Variants in NCCRP1 observed in about 807,000 individuals in gnomAD.
NCCRP1 encodes the protein NCCRP1, F-box associated domain containing.
NCCRP1 carries 32 observed loss-of-function variants against 34.4 expected under a neutral mutation model. The observed-to-expected ratio is 0.93, with a 90% CI of 0.70 to 1.25. The LOEUF is 1.25. Ranked by LOEUF, NCCRP1 falls within the 50% of genes most tolerant of loss-of-function variation. The probability of loss-of-function intolerance (pLI) is 0.00; values close to 1 mark genes in which losing one functional copy is unlikely to be tolerated. For synonymous variants in NCCRP1, 172 were observed against 180.1 expected, an observed-to-expected ratio of 0.95 and a Z score of 0.36; for missense variants, 372 against 391.8, an observed-to-expected ratio of 0.95 and a Z score of 0.43.
chr19:39,196,969 C>A lies in NCCRP1; in HGVS notation c.-14C>A. On this transcript the variant is annotated 5_prime_UTR_variant, in exon 1 of 6. Coordinates refer to ENST00000339852, the MANE Select transcript of NCCRP1 (RefSeq NM_001001414.2). ...CAGCCCTGTGAAACCGGGACAGTCG[C>A]GCAGCCTCGAGGGATGGAGGAGGTG... The A allele has an allele frequency of 2.0e-6, 3 of 1,532,964 alleles. No individual in the cohort carries two copies. Among genetic ancestry groups the A allele is most frequent in the Non-Finnish European group, 1.7e-6 (2 of 1,146,730 alleles). 95.0% of individuals were successfully genotyped at this position (1,532,964 alleles called of 1,614,324 possible).
At chr19:39,198,734 C>G (rs2144931646) in intron 3 of NCCRP1, among the ~76,000 whole-genome samples, 1 of 152,316 alleles carries the variant, frequency 6.6e-6, no homozygotes, top group South Asian at 2.1e-4. Context: ...GCTCAGATTA[C>G]AGGCATGAGC....
chr19:39,197,832 C>G (rs547347567), intron 1 of NCCRP1, among the ~76,000 whole-genome samples: 2 of 152,180 alleles, frequency 1.3e-5, no homozygotes, highest in South Asian at 4.1e-4. Context: ...TCTCTGGGTT[C>G]TTCTCTCTGT....
chr19:39,196,973 G>A lies in NCCRP1; in HGVS notation c.-10G>A, dbSNP rs1271865868. ...CCTGTGAAACCGGGACAGTCGCGCAGCCTCGAGGGATGGAGGAGGTGCGTG... is the reference window on the plus strand; with the variant it reads ...CCTGTGAAACCGGGACAGTCGCGCAACCTCGAGGGATGGAGGAGGTGCGTG... On this transcript the variant is annotated 5_prime_UTR_variant, in exon 1 of 6. Coordinates refer to ENST00000339852, the MANE Select transcript of NCCRP1 (RefSeq NM_001001414.2). 5.9e-6 allele frequency: 9 copies of A among 1,533,770 alleles called. No homozygotes were observed. Among genetic ancestry groups the A allele is most frequent in the Non-Finnish European group, 7.8e-6 (9 of 1,147,170 alleles).
In NCCRP1 at chr19:39,200,933, A is replaced by G. The variant is rs938461131; in HGVS notation, c.*177A>G. The G allele has an allele frequency of 1.2e-5, 9 of 725,006 alleles. No individual in the cohort carries two copies. The African/African-American group carries it at 1.2e-4, about 10-fold the overall frequency. 44.9% of individuals were successfully genotyped at this position (725,006 alleles called of 1,614,324 possible). A position where few individuals can be genotyped will look rare whatever the true frequency, so the allele number is the denominator to read the frequency against. On this transcript the variant is annotated 3_prime_UTR_variant, in exon 6 of 6. Transcript: ENST00000339852. This position sits in a 1 kb window ranked among gnomAD's most constrained non-coding sequence, Gnocchi z 5.8. ...ATTTTCCCAGCACTGTCTGAGCCCC[A>G]TGAGGGCGGAGCCACTCCTTGTAAA...
intron 4 of NCCRP1, 121 bp downstream of exon 4, chr19:39,199,386 G>C (rs1486288954): frequency 1.2e-6 from 1 of 825,364 alleles, no homozygotes; most frequent in Non-Finnish European, 1.9e-6. Context: ...GTGCTACAGG[G>C]TCCTGCCCTG....
chr19:39,197,303 C>T lies in NCCRP1; in HGVS notation c.321C>T (p.Arg107=), dbSNP rs1396421564. The change falls in exon 1 of 6, where the codon CGC becomes CGT. Residue 107 remains arginine (R), a synonymous_variant. Transcript: ENST00000339852. Reference sequence around the variant, plus strand: ...GGCCGCTCTACCGCAACCTGCTGCGCTCGCCCAACCCCGAAGGTGCGCAAG... The same window carrying T: ...GGCCGCTCTACCGCAACCTGCTGCGTTCGCCCAACCCCGAAGGTGCGCAAG... ...LRRPLYRNLL[R]SPNPEGINIY... 6.8e-7 allele frequency: 1 copy of T among 1,477,010 alleles called. No individual in the cohort carries two copies. Among genetic ancestry groups the T allele is most frequent in the Admixed American group, 2.4e-5 (1 of 41,022 alleles). 91.5% of individuals were successfully genotyped at this position (1,477,010 alleles called of 1,614,324 possible).
intron 1 of NCCRP1, among the ~76,000 whole-genome samples, chr19:39,197,776 C>A (rs2074769211): frequency 1.3e-5 from 2 of 152,170 alleles, no homozygotes; most frequent in Non-Finnish European, 2.9e-5. Context: ...AGGGTTTCGT[C>A]ATGTTGGCCA....
Position 39,200,661 on chromosome 19 carries a change from C to T in NCCRP1, c.733C>T (p.His245Tyr). The change falls in exon 6 of 6, where the codon CAC (histidine) becomes TAC (tyrosine). Residue 245 changes from histidine (H) to tyrosine (Y), a missense_variant. By Grantham distance (83) the His-to-Tyr change is moderately conservative. Coordinates refer to ENST00000339852, the MANE Select transcript of NCCRP1 (RefSeq NM_001001414.2). The surrounding 1 kb of genome is among the most constrained non-coding windows in gnomAD (Gnocchi z 5.8). ...RHYGPGVRFIHFLHKAKNRME... is the reference protein window; with the variant it reads ...RHYGPGVRFIYFLHKAKNRME... Reference sequence around the variant, plus strand: ...TTATGGTCCCGGTGTGCGCTTTATCCACTTCCTGCACAAGGCCAAGAACCG... The same window carrying T: ...TTATGGTCCCGGTGTGCGCTTTATCTACTTCCTGCACAAGGCCAAGAACCG... 1 of 1,614,152 alleles carries T rather than the reference C, an allele frequency of 6.2e-7. No individual in the cohort carries two copies. Among genetic ancestry groups the T allele is most frequent in the Non-Finnish European group, 8.5e-7 (1 of 1,180,038 alleles).
chr19:39,198,547 C>T (rs1004458430), intron 3 of NCCRP1, among the ~76,000 whole-genome samples: 2 of 152,188 alleles, frequency 1.3e-5, no homozygotes, highest in African/African-American at 4.8e-5. Context: ...GCAACCTCTG[C>T]CTCCCAGGTT....
rs2074785393 is a variant in NCCRP1, at chr19:39,200,775, C to CTGACCCCA, written c.*20_*27dup. Reference sequence around the variant, plus strand: ...GGAGTGACTGGCTGGCTCCTCTGTCCTGACCCCACAGCACCTCCCTGACCT... The same window carrying CTGACCCCA: ...GGAGTGACTGGCTGGCTCCTCTGTCCTGACCCCATGACCCCACAGCACCTCCCTGACCT... On this transcript the variant is annotated 3_prime_UTR_variant, in exon 6 of 6. Transcript: ENST00000339852. The surrounding 1 kb of genome is among the most constrained non-coding windows in gnomAD (Gnocchi z 5.8). The CTGACCCCA allele has an allele frequency of 6.2e-7, 1 of 1,603,490 alleles. No individual in the cohort carries two copies. Among genetic ancestry groups the CTGACCCCA allele is most frequent in the Non-Finnish European group, 8.5e-7 (1 of 1,177,640 alleles).
chr19:39,198,005 G>A (rs2074770148), intron 1 of NCCRP1, 48 bp from the exon 2 acceptor site: 1 of 1,603,530 alleles, frequency 6.2e-7, no homozygotes, highest in South Asian at 1.1e-5. Flanking sequence ...GTGAGGCGGT[G>A]GAAGATGGAG....
chr19:39,200,485 G>C lies in NCCRP1; in HGVS notation c.687+1G>C. The C allele has an allele frequency of 6.2e-7, 1 of 1,612,480 alleles. No homozygotes were observed. Among genetic ancestry groups the C allele is most frequent in the Non-Finnish European group, 8.5e-7 (1 of 1,179,626 alleles). On this transcript the variant is annotated splice_donor_variant, in intron 5 of 5. Coordinates refer to ENST00000339852, the MANE Select transcript of NCCRP1 (RefSeq NM_001001414.2). LOFTEE classifies it high-confidence loss of function. This position sits in a 1 kb window ranked among gnomAD's most constrained non-coding sequence, Gnocchi z 5.8. Reference sequence around the variant, plus strand: ...AGGACCCCCTGGCCGCTGGGTCCAGGTGAGACTCTCCGCGCCGGGGCCCTC... The same window carrying C: ...AGGACCCCCTGGCCGCTGGGTCCAGCTGAGACTCTCCGCGCCGGGGCCCTC...
At chr19:39,199,514 T>C (rs1196581423) in intron 4 of NCCRP1, among the ~76,000 whole-genome samples, 25 of 122,820 alleles carry the variant, frequency 2.0e-4, no homozygotes, top group East Asian at 1.6e-3. Context: ...TCTTTCTTTT[T>C]TTTTTTTTTT....
rs1345306505 is a variant in NCCRP1, at chr19:39,196,967, C to T, written c.-16C>T. 3 of 1,532,428 alleles carry T rather than the reference C, an allele frequency of 2.0e-6. No homozygotes were observed. The highest frequency in any genetic ancestry group is 2.6e-6 in the Non-Finnish European group (3 of 1,146,518). 94.9% of individuals were successfully genotyped at this position (1,532,428 alleles called of 1,614,324 possible). On this transcript the variant is annotated 5_prime_UTR_variant, in exon 1 of 6. Coordinates refer to ENST00000339852, the MANE Select transcript of NCCRP1 (RefSeq NM_001001414.2). ...CCCAGCCCTGTGAAACCGGGACAGT[C>T]GCGCAGCCTCGAGGGATGGAGGAGG... is the stretch of plus-strand genomic sequence containing the variant.
intron 1 of NCCRP1, 83 bp downstream of exon 1, chr19:39,197,402 C>A: frequency 8.8e-7 from 1 of 1,130,262 alleles, no homozygotes; most frequent in South Asian, 1.9e-5. Flanking sequence ...ATCTCTCTAC[C>A]TCTTTGTCTC....
chr19:39,200,694 C>A lies in NCCRP1; in HGVS notation c.766C>A (p.Pro256Thr). The change falls in exon 6 of 6, where the codon CCT (proline) becomes ACT (threonine). Residue 256 changes from proline to threonine, a missense_variant. Coordinates refer to ENST00000339852, the MANE Select transcript of NCCRP1 (RefSeq NM_001001414.2). The surrounding 1 kb of genome is among the most constrained non-coding windows in gnomAD (Gnocchi z 5.8). ...FLHKAKNRME[P>T]GGLRRTRVTD... ...GCACAAGGCCAAGAACCGCATGGAGCCTGGTGGGCTGCGGCGGACACGGGT... is the reference window on the plus strand; with the variant it reads ...GCACAAGGCCAAGAACCGCATGGAGACTGGTGGGCTGCGGCGGACACGGGT... The A allele has an allele frequency of 5.0e-6, 8 of 1,614,034 alleles. No homozygotes were observed. The highest frequency in any genetic ancestry group is 1.6e-4 in the Middle Eastern group (1 of 6,062).
At position 39,200,883 on chromosome 19, in the gene NCCRP1, A is replaced by G; in HGVS notation, c.*127A>G. ...CTTCTCACTTGATGGACAGCTTCAC[A>G]CACCCTTAAGCGGTGGACTCCAGCA... On this transcript the variant is annotated 3_prime_UTR_variant, in exon 6 of 6. Coordinates refer to ENST00000339852, the MANE Select transcript of NCCRP1 (RefSeq NM_001001414.2). This position sits in a 1 kb window ranked among gnomAD's most constrained non-coding sequence, Gnocchi z 5.8. The G allele has an allele frequency of 1.7e-6, 2 of 1,209,450 alleles. No homozygotes were observed. Among genetic ancestry groups the G allele is most frequent in the Admixed American group, 2.3e-5 (1 of 43,190 alleles). The allele number at this position is 1,209,450 out of a possible 1,614,324, so 74.9% of individuals were successfully genotyped here. A position where few individuals can be genotyped will look rare whatever the true frequency, so the allele number is the denominator to read the frequency against.
In NCCRP1 at chr19:39,201,205, C is replaced by T. The variant is rs138888116; in HGVS notation, c.*449C>T. ...TCACTCAGTTCCTGTCCCATTTAAC[C>T]GCCCCGATCCTTGATCTTCCATTAC... On this transcript the variant is annotated 3_prime_UTR_variant, in exon 6 of 6. Coordinates refer to ENST00000339852, the MANE Select transcript of NCCRP1 (RefSeq NM_001001414.2). The T allele has an allele frequency of 1.7e-4, 28 of 165,552 alleles. No homozygotes were observed. The East Asian group carries it at 3.3e-3, about 19-fold the overall frequency. The allele number at this position is 165,552 out of a possible 1,614,324, so 10.3% of individuals were successfully genotyped here.
chr19:39,200,421 C>G lies in NCCRP1; in HGVS notation c.624C>G (p.Val208=). 6.2e-7 allele frequency: 1 copy of G among 1,613,560 alleles called. No homozygotes were observed. Among genetic ancestry groups the G allele is most frequent in the Non-Finnish European group, 8.5e-7 (1 of 1,180,010 alleles). ...VWLLAADRRT[V]IAQHHVAPRT... is the part of the protein sequence containing the mutation. The stretch of plus-strand genomic sequence containing the variant: ...TGCTGGCGGCCGACCGCCGCACGGT[C>G]ATTGCTCAGCACCACGTGGCCCCCC... Residue 208 remains valine, a synonymous_variant, in exon 5 of 6, where the codon GTC becomes GTG. Transcript: ENST00000339852. The surrounding 1 kb of genome is among the most constrained non-coding windows in gnomAD (Gnocchi z 5.8).
Sources: allele counts gnomAD v4.1 joint callset (sites outside exome capture counted in the v4.1 genomes callset), GRCh38; gene constraint gnomAD v4.1.1; non-coding constraint Gnocchi (gnomAD v3.1); transcripts MANE v1.5; gene names NCBI Gene and HGNC (gene_info 2026-07-23, HGNC 2026-07-21).